Variants in DPP4 observed in about 807,000 individuals in gnomAD.
DPP4 encodes dipeptidyl peptidase 4.
In DPP4, 93 loss-of-function variants were observed where a neutral mutation model predicts 122.4. That is an observed-to-expected ratio of 0.76 (90% CI 0.64 to 0.90). The LOEUF (loss-of-function observed/expected upper bound fraction) is 0.90, where lower values mean the gene tolerates loss of function less well. Ranked by LOEUF, DPP4 falls within the 40% of genes least tolerant of loss-of-function variation. The probability of loss-of-function intolerance (pLI) is 0.00; values close to 1 mark genes in which losing one functional copy is unlikely to be tolerated. For synonymous variants in DPP4, 321 were observed against 302.9 expected (o/e 1.06, Z -0.62); for missense variants, 914 against 907.3 (o/e 1.01, Z -0.09).
chr2:161,996,054 C>T (rs1188043305), intron 23 of DPP4, among the ~76,000 whole-genome samples: 6 of 151,884 alleles, frequency 4.0e-5, no homozygotes, highest in Non-Finnish European at 5.9e-5. Context: ...TCAAGTCATA[C>T]CCAAATTAGC....
intron 10 of DPP4, among the ~76,000 whole-genome samples, chr2:162,027,883 C>G (rs1042955089): frequency 1.9e-4 from 29 of 152,088 alleles, no homozygotes; most frequent in Admixed American, 1.3e-4. Flanking sequence ...CTGGACTCTG[C>G]ATGGCCTGGG....
At chr2:162,002,224 T>C (rs928231508) in intron 23 of DPP4, among the ~76,000 whole-genome samples, 6 of 152,244 alleles carry the variant, frequency 3.9e-5, no homozygotes, top group African/African-American at 1.4e-4. Context: ...CATTCATGTA[T>C]GCAAATGGCT....
chr2:162,051,773 A>G lies in DPP4; in HGVS notation c.95-4272T>C, dbSNP rs561188241. On this transcript the variant is annotated intron_variant, in intron 2 of 25. Coordinates refer to ENST00000360534, the MANE Select transcript of DPP4 (RefSeq NM_001935.4). ...CTGTGGCTATATTCTCCAGCAGCAC[A>G]TGCAGGCTGCCACCCATCTCCATAG... Among the ~76,000 whole-genome samples the G allele has an allele frequency of 9.8e-5, 15 of 152,370 alleles. 1 individual carries two copies. The highest frequency in any genetic ancestry group is 4.6e-4 in the Admixed American group (7 of 15,312).
chr2:162,073,518 G>A (rs754619141), intron 1 of DPP4, 32 bp from the exon 2 acceptor site: 15 of 1,607,474 alleles, frequency 9.3e-6, no homozygotes, highest in Admixed American at 1.7e-5. Flanking sequence ...TCCAATTAGA[G>A]GGAAGCGTGT....
intron 6 of DPP4, 23 bp downstream of exon 6, chr2:162,039,109 G>T (rs201724864): frequency 1.5e-5 from 24 of 1,611,556 alleles, no homozygotes; most frequent in Middle Eastern, 1.6e-4. Context: ...AAGCCTAATA[G>T]ATTTTATTGG....
intron 20 of DPP4, 118 bp from the exon 21 acceptor site, chr2:162,009,413 A>C (rs1307843705): frequency 1.2e-6 from 1 of 826,844 alleles, no homozygotes; most frequent in East Asian, 2.6e-5. Flanking sequence ...AGAGACTAAA[A>C]ATTGCTGCCA....
chr2:161,997,590 T>C (rs185596287), intron 23 of DPP4, among the ~76,000 whole-genome samples: 1 of 152,324 alleles, frequency 6.6e-6, no homozygotes, highest in East Asian at 1.9e-4. Flanking sequence ...AAATAAAATA[T>C]GCTCATTCTG....
At chr2:162,063,341 G>T (rs990371105) in intron 2 of DPP4, among the ~76,000 whole-genome samples, 2 of 152,138 alleles carry the variant, frequency 1.3e-5, no homozygotes, top group Admixed American at 6.5e-5. Flanking sequence ...CTCAGGAAAA[G>T]GTCTGGTTTG....
Position 162,024,950 on chromosome 2 carries a change from G to A in DPP4, c.888-11C>T, listed in dbSNP as rs1274130794. ...CACAAGTAGTGATCCCTGGAAGGAAGAAAGAAAGGAAGGACAGAGAGAGAG... is the reference window on the plus strand; with the variant it reads ...CACAAGTAGTGATCCCTGGAAGGAAAAAAGAAAGGAAGGACAGAGAGAGAG... On this transcript the variant is annotated splice_polypyrimidine_tract_variant and intron_variant, in intron 10 of 25. Transcript: ENST00000360534. 1 of 1,611,480 alleles carries A rather than the reference G, an allele frequency of 6.2e-7. No individual in the cohort carries two copies. The highest frequency in any genetic ancestry group is 8.5e-7 in the Non-Finnish European group (1 of 1,179,796).
Position 162,008,651 on chromosome 2 carries a change from C to T in DPP4, c.1898G>A (p.Gly633Glu), listed in dbSNP as rs751048103. The T allele has an allele frequency of 1.2e-6, 2 of 1,613,382 alleles. No homozygotes were observed. The highest frequency in any genetic ancestry group is 2.2e-5 in the East Asian group (1 of 44,864). ...RIAIWGWSYG[G>E]YVTSMVLGSG... ...TCCCAGGACCATTGAGGTTACGTAC[C>T]CTCCATATGACTAAGGAATGGAAAC... The change falls in exon 22 of 26, where the codon GGG becomes GAG. Residue 633 changes from glycine (G) to glutamate (E), a missense_variant. By Grantham distance (98) the Gly-to-Glu change is moderately conservative. Coordinates refer to ENST00000360534, the MANE Select transcript of DPP4 (RefSeq NM_001935.4).
chr2:162,002,950 G>C (rs748821189), intron 23 of DPP4, among the ~76,000 whole-genome samples: 1 of 152,202 alleles, frequency 6.6e-6, no homozygotes, highest in Non-Finnish European at 1.5e-5. Context: ...CCACGGTGGA[G>C]ACAATTCAGT....
chr2:162,015,236 T>A lies in DPP4; in HGVS notation c.1568-771A>T, dbSNP rs552148160. Among the ~76,000 whole-genome samples the A allele has an allele frequency of 2.6e-5, 4 of 152,362 alleles. No individual in the cohort carries two copies. The East Asian group carries it at 7.7e-4, about 29-fold the overall frequency. On this transcript the variant is annotated intron_variant, in intron 18 of 25. Coordinates refer to ENST00000360534, the MANE Select transcript of DPP4 (RefSeq NM_001935.4). ...AACTGTAGGCAAAAAAATTCTTATCTCTAGAGCTATTTTTATCTAACATTT... is the reference window on the plus strand; with the variant it reads ...AACTGTAGGCAAAAAAATTCTTATCACTAGAGCTATTTTTATCTAACATTT...
intron 23 of DPP4, among the ~76,000 whole-genome samples, chr2:162,001,880 C>T (rs1020384187): frequency 6.6e-6 from 1 of 152,282 alleles, no homozygotes; most frequent in Non-Finnish European, 1.5e-5. Flanking sequence ...CTTTGGCTGC[C>T]CATTTAGAGC....
intron 10 of DPP4, among the ~76,000 whole-genome samples, chr2:162,025,869 C>T (rs1198584775): frequency 6.6e-6 from 1 of 152,114 alleles, no homozygotes; most frequent in Non-Finnish European, 1.5e-5. Context: ...TGTATCTCCT[C>T]CCCATCCCAA....
chr2:162,046,666 G>C (rs947656738), intron 4 of DPP4: 2 of 567,532 alleles, frequency 3.5e-6, no homozygotes, highest in African/African-American at 1.8e-5. Context: ...AGTGAAGAGG[G>C]AGGCAAATGA....
At chr2:162,020,081 G>A (rs753174957) in intron 14 of DPP4, 148 bp downstream of exon 14, 5 of 641,406 alleles carry the variant, frequency 7.8e-6, no homozygotes, top group Non-Finnish European at 1.3e-5. Flanking sequence ...AATCATTAAG[G>A]CTTCCGTATG....
chr2:162,066,440 T>C (rs1684950038), intron 2 of DPP4, among the ~76,000 whole-genome samples: 1 of 152,102 alleles, frequency 6.6e-6, no homozygotes, highest in African/African-American at 2.4e-5. Context: ...AAATCATACT[T>C]GGAATAAGAG....
chr2:162,047,537 A>C, intron 2 of DPP4, 36 bp from the exon 3 acceptor site: 1 of 1,413,268 alleles, frequency 7.1e-7, no homozygotes, highest in Non-Finnish European at 9.8e-7. Context: ...TCATTTCAGT[A>C]AGATGGAATA....
Position 162,052,342 on chromosome 2 carries a change from AG to A in DPP4, c.95-4842del, listed in dbSNP as rs1233217819. Among the ~76,000 whole-genome samples, 237 of 133,284 alleles carry A rather than the reference AG, an allele frequency of 1.8e-3. 1 individual carries two copies. The highest frequency in any genetic ancestry group is 3.1e-3 in the Non-Finnish European group (190 of 61,768). 87.4% of individuals were successfully genotyped at this position (133,284 alleles called of 152,430 possible). A position where few individuals can be genotyped will look rare whatever the true frequency, so the allele number is the denominator to read the frequency against. On this transcript the variant is annotated intron_variant, in intron 2 of 25. Coordinates refer to ENST00000360534, the MANE Select transcript of DPP4 (RefSeq NM_001935.4). Reference sequence around the variant, plus strand: ...TCAAAAAAAAAAAAAAAAAAAAAAAAGTGGAGGACAGGGGCGCTGGAGGGAA... The same window carrying A: ...TCAAAAAAAAAAAAAAAAAAAAAAAATGGAGGACAGGGGCGCTGGAGGGAA...
Sources: allele counts gnomAD v4.1 joint callset (sites outside exome capture counted in the v4.1 genomes callset), GRCh38; gene constraint gnomAD v4.1.1; transcripts MANE v1.5; gene names NCBI Gene and HGNC (gene_info 2026-07-23, HGNC 2026-07-21).